The following FAM133B variants were observed in gnomAD, a reference collection of about 807,000 sequenced individuals.
The protein encoded by FAM133B is family with sequence similarity 133 member B, also known as protein FAM133B.
FAM133B carries 25 observed loss-of-function variants against 46.4 expected under a neutral mutation model. The ratio of observed to expected loss-of-function variants is 0.54; its 90% CI spans 0.39 to 0.75. The LOEUF is 0.75. Among genes scored for constraint, FAM133B ranks in the 30% least tolerant of loss-of-function variants. The probability of loss-of-function intolerance (pLI) is 0.00; values close to 1 mark genes in which losing one functional copy is unlikely to be tolerated. For synonymous variants in FAM133B, 75 were observed against 86.0 expected, an observed-to-expected ratio of 0.87 and a Z score of 0.71; for missense variants, 205 against 277.6, an observed-to-expected ratio of 0.74 and a Z score of 1.86.
At chr7:92,571,975 T>C (rs1411485055) in intron 8 of FAM133B, among the ~76,000 whole-genome samples, 1 of 152,188 alleles carries the variant, frequency 6.6e-6, no homozygotes, top group East Asian at 1.9e-4. Flanking sequence ...GAGGATATTT[T>C]CTACCACTGT....
chr7:92,564,127 A>AAGC (rs1794244934), intron 10 of FAM133B, among the ~76,000 whole-genome samples: 1 of 152,154 alleles, frequency 6.6e-6, no homozygotes, highest in South Asian at 2.1e-4. Flanking sequence ...ACCAGGCATT[A>AAGC]AGCCACTTAC....
At chr7:92,570,942 A>T (rs1794509463) in intron 8 of FAM133B, among the ~76,000 whole-genome samples, 1 of 152,190 alleles carries the variant, frequency 6.6e-6, no homozygotes, top group East Asian at 1.9e-4. Flanking sequence ...TTACATAAAT[A>T]CCTGCTGTCT....
At chr7:92,587,520 C>T (rs1230075031) in intron 1 of FAM133B, among the ~76,000 whole-genome samples, 2 of 152,022 alleles carry the variant, frequency 1.3e-5, no homozygotes, top group Non-Finnish European at 2.9e-5. Flanking sequence ...TGCTTGAGGC[C>T]AGGAATTTGA....
At chr7:92,581,642 A>G (rs1314318017) in intron 1 of FAM133B, 39 bp from the exon 2 acceptor site, 3 of 1,532,516 alleles carry the variant, frequency 2.0e-6, no homozygotes, top group Non-Finnish European at 2.7e-6. Context: ...TAAAGCAATC[A>G]TTAAACATGC....
chr7:92,575,400 G>GAGAT (rs1491405949), intron 8 of FAM133B, among the ~76,000 whole-genome samples: 1 of 152,102 alleles, frequency 6.6e-6, no homozygotes, highest in Non-Finnish European at 1.5e-5. Flanking sequence ...TTGAACCCAG[G>GAGAT]AGATAGAGGT....
At chr7:92,579,932 A>C (rs1434431327) in intron 2 of FAM133B, among the ~76,000 whole-genome samples, 1 of 152,226 alleles carries the variant, frequency 6.6e-6, no homozygotes. Flanking sequence ...GACATACTTA[A>C]AAGACTGGCC....
rs772730489 is a variant in FAM133B, at chr7:92,577,177, G to C, written c.391C>G (p.Arg131Gly). ...GAACGGTTCTTCTTTTTCTTTCTCC[G>C]TTTTCCTTGTTTCTTATCCTACATA... ...SEDEDKKQGK[R>G]RKKKKNRSHK... Residue 131 changes from arginine to glycine, a missense_variant, in exon 7 of 11, where the codon CGG becomes GGG. By Grantham distance (125) the Arg-to-Gly change is moderately radical (BLOSUM62 -2). Coordinates refer to ENST00000445716, the MANE Select transcript of FAM133B (RefSeq NM_152789.4). 1 of 1,491,956 alleles carries C rather than the reference G, an allele frequency of 6.7e-7. No homozygotes were observed. The highest frequency in any genetic ancestry group is 8.9e-7 in the Non-Finnish European group (1 of 1,117,964). 92.4% of individuals were successfully genotyped at this position (1,491,956 alleles called of 1,614,324 possible).
chr7:92,565,934 A>G (rs1794332902), intron 10 of FAM133B, 80 bp downstream of exon 10: 2 of 1,450,556 alleles, frequency 1.4e-6, no homozygotes, highest in Admixed American at 1.8e-5. Flanking sequence ...AGTAAATCCA[A>G]TCAAGCTTTA....
rs780120172 is a variant in FAM133B, at chr7:92,590,332, G to T, written c.-41C>A. The T allele has an allele frequency of 1.2e-6, 2 of 1,613,152 alleles. No homozygotes were observed. The highest frequency in any genetic ancestry group is 1.7e-6 in the Non-Finnish European group (2 of 1,179,594). On this transcript the variant is annotated 5_prime_UTR_variant, in exon 1 of 11. Coordinates refer to ENST00000445716, the MANE Select transcript of FAM133B (RefSeq NM_152789.4). ...GCACAGTAGCACGCCGAGGGAAACCGGGCCGGAGAGACTGCCGAAGAGGGC... is the reference window on the plus strand; with the variant it reads ...GCACAGTAGCACGCCGAGGGAAACCTGGCCGGAGAGACTGCCGAAGAGGGC...
At chr7:92,587,988 C>A (rs1795085363) in intron 1 of FAM133B, among the ~76,000 whole-genome samples, 1 of 151,948 alleles carries the variant, frequency 6.6e-6, no homozygotes, top group Non-Finnish European at 1.5e-5. Context: ...AAAAAAAAGT[C>A]TTAAAAAGAA....
intron 8 of FAM133B, among the ~76,000 whole-genome samples, chr7:92,573,975 A>G (rs1585304627): frequency 6.6e-6 from 1 of 152,148 alleles, no homozygotes; most frequent in African/African-American, 2.4e-5. Context: ...AGTAGCTAGG[A>G]CTACAGGCAT....
chr7:92,574,403 A>C (rs1042714197), intron 8 of FAM133B, among the ~76,000 whole-genome samples: 2 of 152,210 alleles, frequency 1.3e-5, no homozygotes, highest in African/African-American at 4.8e-5. Context: ...AGAGGTTACT[A>C]GAGAATGAGG....
chr7:92,562,144 G>A lies in FAM133B; in HGVS notation c.*138C>T. The A allele has an allele frequency of 2.0e-6, 2 of 993,326 alleles. No individual in the cohort carries two copies. Among genetic ancestry groups the A allele is most frequent in the East Asian group, 2.8e-5 (1 of 35,926 alleles). 61.5% of individuals were successfully genotyped at this position (993,326 alleles called of 1,614,324 possible). A position where few individuals can be genotyped will look rare whatever the true frequency, so the allele number is the denominator to read the frequency against. Reference sequence around the variant, plus strand: ...GGCCCTTTCACACAGTGGCATCTGAGTGGCTACTGAATAGTCCAGGAATAA... The same window carrying A: ...GGCCCTTTCACACAGTGGCATCTGAATGGCTACTGAATAGTCCAGGAATAA... On this transcript the variant is annotated 3_prime_UTR_variant, in exon 11 of 11. Coordinates refer to ENST00000445716, the MANE Select transcript of FAM133B (RefSeq NM_152789.4).
chr7:92,571,621 T>C (rs1794533242), intron 8 of FAM133B, among the ~76,000 whole-genome samples: 1 of 152,194 alleles, frequency 6.6e-6, no homozygotes, highest in Non-Finnish European at 1.5e-5. Context: ...TATTTGGCTT[T>C]ATGTAGTGGC....
At chr7:92,581,723 T>G in intron 1 of FAM133B, 120 bp from the exon 2 acceptor site, 2 of 715,434 alleles carry the variant, frequency 2.8e-6, no homozygotes, top group South Asian at 3.6e-5. Context: ...ATATGCAATC[T>G]GACTAACCAA....
intron 1 of FAM133B, among the ~76,000 whole-genome samples, chr7:92,586,128 G>T (rs1795031696): frequency 6.6e-6 from 1 of 152,140 alleles, no homozygotes; most frequent in African/African-American, 2.4e-5. Context: ...TAGTAAAGTA[G>T]TATATTCACA....
At chr7:92,588,853 C>G (rs997908525) in intron 1 of FAM133B, among the ~76,000 whole-genome samples, 2 of 152,318 alleles carry the variant, frequency 1.3e-5, no homozygotes, top group Middle Eastern at 3.4e-3. Flanking sequence ...ATGTAAGACG[C>G]CTGCTCCTGC....
intron 10 of FAM133B, among the ~76,000 whole-genome samples, chr7:92,562,659 T>C (rs1794196033): frequency 6.6e-6 from 1 of 152,226 alleles, no homozygotes; most frequent in Admixed American, 6.5e-5. Flanking sequence ...TACCAATCAC[T>C]ATTATTTCAT....
intron 6 of FAM133B, 106 bp from the exon 7 acceptor site, chr7:92,577,301 C>A: frequency 1.4e-6 from 1 of 705,390 alleles, no homozygotes; most frequent in South Asian, 3.2e-5. Flanking sequence ...ACAAAAGGAT[C>A]AGTTTCTATA....
Sources: gnomAD v4.1 joint callset for allele counts (sites outside exome capture counted in the v4.1 genomes callset) on GRCh38, gnomAD v4.1.1 for gene constraint, MANE v1.5 for transcripts, NCBI Gene and HGNC (gene_info 2026-07-23, HGNC 2026-07-21) for gene names.